The following AKAP6 variants were observed in gnomAD, a reference collection of about 807,000 sequenced individuals.
The protein encoded by AKAP6 is A-kinase anchor protein 6.
A neutral mutation model predicts 188.5 loss-of-function variants in AKAP6; 58 were observed. The observed-to-expected ratio is 0.31, with a 90% CI of 0.25 to 0.38. The LOEUF is 0.38. Among genes scored for constraint, AKAP6 ranks in the 10% least tolerant of loss-of-function variants. The pLI, the probability that AKAP6 is intolerant of heterozygous loss-of-function variation, is 1.00. For synonymous variants in AKAP6, 989 were observed against 998.6 expected, an observed-to-expected ratio of 0.99 and a Z score of 0.18; for missense variants, 2,710 against 2,740.0, an observed-to-expected ratio of 0.99 and a Z score of 0.24.
At chr14:32,777,404 G>C (rs1214088934) in intron 12 of AKAP6, among the ~76,000 whole-genome samples, 5 of 152,092 alleles carry the variant, frequency 3.3e-5, no homozygotes, top group Non-Finnish European at 7.4e-5. Flanking sequence ...AGAATTGGTA[G>C]ACAAAAACAT....
chr14:32,536,496 C>A (rs1239059957), intron 3 of AKAP6, among the ~76,000 whole-genome samples: 1 of 152,136 alleles, frequency 6.6e-6, no homozygotes, highest in African/African-American at 2.4e-5. Flanking sequence ...GAGGTCAGAT[C>A]ATGAAGATAA....
intron 1 of AKAP6, chr14:32,376,116 G>A (rs908149320): frequency 7.2e-5 from 11 of 152,106 alleles, no homozygotes; most frequent in Non-Finnish European, 1.2e-4. Flanking sequence ...GGAAATTTGC[G>A]AGTTAAATTA....
Position 32,398,488 on chromosome 14 carries a change from A to G in AKAP6, c.-34-34972A>G, listed in dbSNP as rs999612583. On this transcript the variant is annotated intron_variant, in intron 1 of 13. Transcript: ENST00000280979. ...TACAGGAGTGGCATTTCCCTTAGCC[A>G]GGAATGGATTAAGACAGAAACATTA... Among the ~76,000 whole-genome samples the G allele has an allele frequency of 3.9e-5, 6 of 152,200 alleles. 1 individual carries two copies. Among genetic ancestry groups the G allele is most frequent in the Admixed American group, 3.3e-4 (5 of 15,276 alleles).
intron 2 of AKAP6, chr14:32,438,826 G>A (rs1328998919): frequency 6.6e-6 from 1 of 152,170 alleles, no homozygotes; most frequent in Admixed American, 6.5e-5. Flanking sequence ...TCTGGTTTGG[G>A]TGAATGTATT....
chr14:32,823,797 A>G lies in AKAP6; in HGVS notation c.5984A>G (p.Asn1995Ser), dbSNP rs541215281. Reference sequence around the variant, plus strand: ...CTGGCTTTAGAAACCAGGTTTAACAACAGACAAGACTCTGATGCACTGAAA... The same window carrying G: ...CTGGCTTTAGAAACCAGGTTTAACAGCAGACAAGACTCTGATGCACTGAAA... ...SELALETRFN[N>S]RQDSDALKSS... is the part of the protein sequence containing the mutation. The change falls in exon 13 of 14, where the codon AAC becomes AGC. Residue 1995 changes from asparagine to serine, a missense_variant. By Grantham distance (46) the Asn-to-Ser change is conservative. Around this residue, in one of 2 missense-constraint regions of AKAP6, gnomAD observed 2,473 missense variants for 2,426.1 expected, o/e 1.02. Coordinates refer to ENST00000280979, the MANE Select transcript of AKAP6 (RefSeq NM_004274.5). 2.2e-5 allele frequency: 36 copies of G among 1,613,592 alleles called. No individual in the cohort carries two copies. The South Asian group carries it at 3.1e-4, about 14-fold the overall frequency.
rs199940158 is a variant in AKAP6, at chr14:32,735,678, C to T, written c.3168C>T (p.Ile1056=). ...ELLGKTLGEK[I]QDTMAGHSGS... is the part of the protein sequence containing the mutation. Reference sequence around the variant, plus strand: ...ATTAGAAAACCCTAGGAGAGAAGATCCAGGACACAATGGCAGGGCACAGTG... The same window carrying T: ...ATTAGAAAACCCTAGGAGAGAAGATTCAGGACACAATGGCAGGGCACAGTG... Residue 1056 remains isoleucine, a synonymous_variant, in exon 11 of 14, where the codon ATC becomes ATT. Transcript: ENST00000280979. 1 of 1,607,040 alleles carries T rather than the reference C, an allele frequency of 6.2e-7. No homozygotes were observed. The highest frequency in any genetic ancestry group is 8.5e-7 in the Non-Finnish European group (1 of 1,177,742).
chr14:32,817,688 C>T (rs1322478505), intron 12 of AKAP6, among the ~76,000 whole-genome samples: 1 of 152,128 alleles, frequency 6.6e-6, no homozygotes, highest in East Asian at 1.9e-4. Flanking sequence ...CATTCAAATA[C>T]TCTTAGATTT....
intron 2 of AKAP6, among the ~76,000 whole-genome samples, chr14:32,507,455 C>G (rs1880936796): frequency 6.6e-6 from 1 of 152,024 alleles, no homozygotes; most frequent in African/African-American, 2.4e-5. Flanking sequence ...TTGGAAACAT[C>G]AAAATGCAAT....
rs1482445452 is a variant in AKAP6, at chr14:32,835,243, A to G, written c.*5438A>G. On this transcript the variant is annotated 3_prime_UTR_variant, in exon 14 of 14. Transcript: ENST00000280979. ...TTTCCATTTGCAAATTCAGTGTAAG[A>G]CATAAACACCGGCAATAGTTGTGTT... 1 of 151,006 alleles carries G rather than the reference A, an allele frequency of 6.6e-6. No homozygotes were observed. The highest frequency in any genetic ancestry group is 1.5e-5 in the Non-Finnish European group (1 of 67,754). 9.4% of individuals were successfully genotyped at this position (151,006 alleles called of 1,614,324 possible). A position where few individuals can be genotyped will look rare whatever the true frequency, so the allele number is the denominator to read the frequency against.
intron 3 of AKAP6, among the ~76,000 whole-genome samples, chr14:32,536,919 C>T (rs1021137085): frequency 2.0e-5 from 3 of 152,048 alleles, no homozygotes; most frequent in African/African-American, 7.2e-5. Context: ...TTTAGTCCTT[C>T]GGCTCTTAAT....
At chr14:32,419,164 G>A (rs1889755785) in intron 1 of AKAP6, among the ~76,000 whole-genome samples, 1 of 152,160 alleles carries the variant, frequency 6.6e-6, no homozygotes, top group South Asian at 2.1e-4. Flanking sequence ...TCTTTGAAAA[G>A]CCGACATAGT....
At chr14:32,679,217 T>G (rs1483787628) in intron 8 of AKAP6, among the ~76,000 whole-genome samples, 1 of 152,098 alleles carries the variant, frequency 6.6e-6, no homozygotes, top group Non-Finnish European at 1.5e-5. Flanking sequence ...TTTTAAAAAG[T>G]GTATATATTT....
intron 1 of AKAP6, among the ~76,000 whole-genome samples, chr14:32,370,599 C>G (rs935895269): frequency 1.3e-5 from 2 of 152,172 alleles, no homozygotes; most frequent in African/African-American, 4.8e-5. Flanking sequence ...GGGAAGAAAC[C>G]AGTGGCTGTA....
intron 3 of AKAP6, among the ~76,000 whole-genome samples, chr14:32,544,747 T>G (rs977684234): frequency 1.3e-5 from 2 of 152,202 alleles, no homozygotes. Flanking sequence ...ACTGGCTTAT[T>G]ATAATTAATT....
chr14:32,802,601 T>C (rs1408845738), intron 12 of AKAP6, among the ~76,000 whole-genome samples: 1 of 152,196 alleles, frequency 6.6e-6, no homozygotes, highest in African/African-American at 2.4e-5. Flanking sequence ...ATCAATATCC[T>C]GAAAAGTGTT....
At chr14:32,638,368 A>G (rs1179137324) in intron 7 of AKAP6, among the ~76,000 whole-genome samples, 4 of 152,070 alleles carry the variant, frequency 2.6e-5, no homozygotes, top group Non-Finnish European at 5.9e-5. Context: ...CGGACAATAT[A>G]TTCAACTCTA....
In AKAP6 at chr14:32,824,426, G is replaced by A; in HGVS notation, c.6613G>A (p.Ala2205Thr). Residue 2205 changes from alanine (A) to threonine (T), a missense_variant, in exon 13 of 14, where the codon GCT (alanine) becomes ACT (threonine). Ala to Thr is a moderately conservative substitution (Grantham distance 58). Around this residue, in one of 2 missense-constraint regions of AKAP6, gnomAD observed 2,473 missense variants for 2,426.1 expected, o/e 1.02. Coordinates refer to ENST00000280979, the MANE Select transcript of AKAP6 (RefSeq NM_004274.5). The stretch of plus-strand genomic sequence containing the variant: ...TGAGTTCAGTGATAGTTCTCTTTCA[G>A]CTGATGATGCAGATACAGTGGCTCT... ...SSEFSDSSLS[A>T]DDADTVALSS... 1 of 1,613,922 alleles carries A rather than the reference G, an allele frequency of 6.2e-7. No individual in the cohort carries two copies. The highest frequency in any genetic ancestry group is 8.5e-7 in the Non-Finnish European group (1 of 1,179,952).
chr14:32,741,819 GTTTTT>G (rs34015837), intron 11 of AKAP6, among the ~76,000 whole-genome samples: 2 of 70,708 alleles, frequency 2.8e-5, no homozygotes, highest in Non-Finnish European at 5.3e-5. Context: ...TAGCCTGTAG[GTTTTT>G]TTTTTTTTTT....
intron 1 of AKAP6, among the ~76,000 whole-genome samples, chr14:32,360,130 T>A (rs1887610423): frequency 9.0e-6 from 1 of 110,502 alleles, no homozygotes; most frequent in South Asian, 2.8e-4. Flanking sequence ...CTTTTTCTTT[T>A]TTCTTTTTTT....
Sources: allele counts gnomAD v4.1 joint callset (sites outside exome capture counted in the v4.1 genomes callset), GRCh38; gene constraint gnomAD v4.1.1; regional missense constraint gnomAD v4.1.1; transcripts MANE v1.5; gene names NCBI Gene and HGNC (gene_info 2026-07-23, HGNC 2026-07-21).